PROC: variants seen among roughly 807,000 people sequenced by gnomAD.
The protein encoded by PROC is vitamin K-dependent protein C.
In PROC, 22 loss-of-function variants were observed where a neutral mutation model predicts 36.3. The ratio of observed to expected loss-of-function variants is 0.61; its 90% CI spans 0.43 to 0.86. The LOEUF (loss-of-function observed/expected upper bound fraction) is 0.86, where lower values mean the gene tolerates loss of function less well. Ranked by LOEUF, PROC falls within the 40% of genes least tolerant of loss-of-function variation. The pLI is 0.00. For synonymous variants in PROC, 218 were observed against 244.5 expected, an observed-to-expected ratio of 0.89 and a Z score of 1.01; for missense variants, 526 against 629.7, an observed-to-expected ratio of 0.84 and a Z score of 1.76.
At chr2:127,419,771 C>G (rs954243415) in intron 1 of PROC, 151 bp from the exon 2 acceptor site, 6 of 1,505,768 alleles carry the variant, frequency 4.0e-6, no homozygotes, top group Admixed American at 2.0e-5. Context: ...CCTTCTGAGG[C>G]TATGTCTCTA....
At position 127,426,204 on chromosome 2, in the gene PROC, A is replaced by G. The variant is rs1228180705; in HGVS notation, c.655A>G (p.Arg219Gly). 1 of 1,614,086 alleles carries G rather than the reference A, an allele frequency of 6.2e-7. No homozygotes were observed. The highest frequency in any genetic ancestry group is 2.2e-5 in the East Asian group (1 of 44,886). ...GCGGCTCATTGATGGGAAGATGACC[A>G]GGCGGGGAGACAGCCCCTGGCAGGT... ...DPRLIDGKMT[R>G]RGDSPWQVVL... Residue 219 changes from arginine to glycine, a missense_variant, in exon 7 of 9, where the codon AGG becomes GGG. By Grantham distance (125) the Arg-to-Gly change is moderately radical. Transcript: ENST00000234071. The surrounding 1 kb of genome is among the most constrained non-coding windows in gnomAD (Gnocchi z 7.0).
rs2104984512 is a variant in PROC, at chr2:127,428,838, T to C, written c.1278T>C (p.Cys426=). The part of the protein sequence containing the change: ...LVGLVSWGEG[C]GLLHNYGVYT... ...GCCTGGTGAGCTGGGGTGAGGGCTG[T>C]GGGCTCCTTCACAACTACGGCGTTT... is the stretch of plus-strand genomic sequence containing the variant. The change falls in exon 9 of 9, where the codon TGT becomes TGC. Residue 426 remains cysteine (C), a synonymous_variant. Coordinates refer to ENST00000234071, the MANE Select transcript of PROC (RefSeq NM_000312.4). The C allele has an allele frequency of 1.2e-6, 2 of 1,612,840 alleles. No homozygotes were observed. The highest frequency in any genetic ancestry group is 1.1e-5 in the South Asian group (1 of 91,066).
chr2:127,428,924 C>G lies in PROC; in HGVS notation c.1364C>G (p.Pro455Arg). 1.2e-6 allele frequency: 2 copies of G among 1,613,944 alleles called. No homozygotes were observed. The highest frequency in any genetic ancestry group is 1.7e-6 in the Non-Finnish European group (2 of 1,180,026). The change falls in exon 9 of 9, where the codon CCC becomes CGC. Residue 455 changes from proline (P) to arginine (R), a missense_variant. By Grantham distance (103) the Pro-to-Arg change is moderately radical. Coordinates refer to ENST00000234071, the MANE Select transcript of PROC (RefSeq NM_000312.4). ...IHGHIRDKEA[P>R]QKSWAP ...GGGCACATCAGAGACAAGGAAGCCC[C>G]CCAGAAGAGCTGGGCACCTTAGCGA...
At chr2:127,422,832 C>T (rs1033922092) in intron 3 of PROC, 85 bp from the exon 4 acceptor site, 2 of 1,523,462 alleles carry the variant, frequency 1.3e-6, no homozygotes, top group Non-Finnish European at 1.8e-6. Context: ...CTCCCCTGCC[C>T]GCTCACCCGC....
At position 127,426,912 on chromosome 2, in the gene PROC, T is replaced by A. The variant is rs966036406; in HGVS notation, c.679-193T>A. 6.6e-6 allele frequency among the ~76,000 whole-genome samples: 1 copy of A among 152,186 alleles called. No homozygotes were observed. The highest frequency in any genetic ancestry group is 1.5e-5 in the Non-Finnish European group (1 of 68,026). Reference sequence around the variant, plus strand: ...CAGTATGAACAGTGCAGGAACAGCATGGGCAAAGGCAGGAAGACACCCTGG... The same window carrying A: ...CAGTATGAACAGTGCAGGAACAGCAAGGGCAAAGGCAGGAAGACACCCTGG... On this transcript the variant is annotated intron_variant, in intron 7 of 8. Transcript: ENST00000234071. This position sits in a 1 kb window ranked among gnomAD's most constrained non-coding sequence, Gnocchi z 7.0.
chr2:127,425,768 G>A (rs1295198566), intron 6 of PROC, among the ~76,000 whole-genome samples: 1 of 151,882 alleles, frequency 6.6e-6, no homozygotes. Context: ...TTGTATCTCA[G>A]GGATTACCCC....
chr2:127,423,239 C>T (rs756414294), intron 5 of PROC, 35 bp from the exon 6 acceptor site: 1 of 1,531,968 alleles, frequency 6.5e-7, no homozygotes, highest in Non-Finnish European at 8.8e-7. Context: ...GGCGCGGCAC[C>T]AGCACCAGCT....
rs781386476 is a variant in PROC at position 127,419,979 on chromosome 2, A to C, written c.37A>C (p.Thr13Pro). 1.2e-6 allele frequency: 2 copies of C among 1,613,734 alleles called. No individual in the cohort carries two copies. Among genetic ancestry groups the C allele is most frequent in the Non-Finnish European group, 1.7e-6 (2 of 1,180,000 alleles). The change falls in exon 2 of 9, where the codon ACC (threonine) becomes CCC (proline). Residue 13 changes from threonine (T) to proline (P), a missense_variant. Thr to Pro is a conservative substitution (Grantham distance 38). Coordinates refer to ENST00000234071, the MANE Select transcript of PROC (RefSeq NM_000312.4). Reference protein sequence around the residue: ...QLTSLLLFVATWGISGTPAPL... With the variant: ...QLTSLLLFVAPWGISGTPAPL... ...CACAAGCCTCCTGCTGTTCGTGGCCACCTGGGGAATTTCCGGCACACCAGC... is the reference window on the plus strand; with the variant it reads ...CACAAGCCTCCTGCTGTTCGTGGCCCCCTGGGGAATTTCCGGCACACCAGC...
At chr2:127,423,235 G>T in intron 5 of PROC, 39 bp from the exon 6 acceptor site, 1 of 1,531,264 alleles carries the variant, frequency 6.5e-7, no homozygotes, top group Non-Finnish European at 8.8e-7. Context: ...TGGGGGCGCG[G>T]CACCAGCACC....
At position 127,418,440 on chromosome 2, in the gene PROC, G is replaced by T. The variant is rs950266061; in HGVS notation, c.-74G>T. ...TGGTTATGGATTAACTCGAACTCCAGGCTGTCATGGCGGCAGGACGGCGAA... is the reference window on the plus strand; with the variant it reads ...TGGTTATGGATTAACTCGAACTCCATGCTGTCATGGCGGCAGGACGGCGAA... On this transcript the variant is annotated 5_prime_UTR_variant, in exon 1 of 9. In the 5' UTR this introduces an upstream ATG that the reference lacks. Coordinates refer to ENST00000234071, the MANE Select transcript of PROC (RefSeq NM_000312.4). The surrounding 1 kb of genome is among the most constrained non-coding windows in gnomAD (Gnocchi z 4.8). 2 of 1,289,724 alleles carry T rather than the reference G, an allele frequency of 1.6e-6. No individual in the cohort carries two copies. The highest frequency in any genetic ancestry group is 3.0e-5 in the African/African-American group (2 of 65,856). 79.9% of individuals were successfully genotyped at this position (1,289,724 alleles called of 1,614,324 possible).
At position 127,419,807 on chromosome 2, in the gene PROC, T is replaced by G. The variant is rs575504175; in HGVS notation, c.-21-115T>G. 3 of 1,569,562 alleles carry G rather than the reference T, an allele frequency of 1.9e-6. No homozygotes were observed. The African/African-American group carries it at 4.1e-5, about 21-fold the overall frequency. On this transcript the variant is annotated intron_variant, in intron 1 of 8. Transcript: ENST00000234071. The stretch of plus-strand genomic sequence containing the variant: ...GCGAACAAGGACCCTCAATCCCAGC[T>G]TCCGCCCTGACGGCCAGCACACAGG...
At chr2:127,420,918 TG>T (rs1688055029) in intron 2 of PROC, among the ~76,000 whole-genome samples, 1 of 152,226 alleles carries the variant, frequency 6.6e-6, no homozygotes, top group Non-Finnish European at 1.5e-5. Flanking sequence ...TACTTATCTC[TG>T]GGCCAGGGAC....
At position 127,426,342 on chromosome 2, in the gene PROC, G is replaced by T; in HGVS notation, c.678+115G>T. 2 of 1,460,214 alleles carry T rather than the reference G, an allele frequency of 1.4e-6. No homozygotes were observed. The highest frequency in any genetic ancestry group is 9.5e-7 in the Non-Finnish European group (1 of 1,055,470). 90.5% of individuals were successfully genotyped at this position (1,460,214 alleles called of 1,614,324 possible). A position where few individuals can be genotyped will look rare whatever the true frequency, so the allele number is the denominator to read the frequency against. ...AGAGGGAAGCGCTGCCATTGCGTTT[G>T]GGGGATGATGAAGGTGGGGGATGCT... On this transcript the variant is annotated intron_variant, in intron 7 of 8. Coordinates refer to ENST00000234071, the MANE Select transcript of PROC (RefSeq NM_000312.4). This position sits in a 1 kb window ranked among gnomAD's most constrained non-coding sequence, Gnocchi z 7.0.
chr2:127,426,043 A>G lies in PROC; in HGVS notation c.536-42A>G. 6.2e-7 allele frequency: 1 copy of G among 1,613,466 alleles called. No homozygotes were observed. The highest frequency in any genetic ancestry group is 8.5e-7 in the Non-Finnish European group (1 of 1,179,822). On this transcript the variant is annotated intron_variant, in intron 6 of 8. Transcript: ENST00000234071. The surrounding 1 kb of genome is among the most constrained non-coding windows in gnomAD (Gnocchi z 7.0). Reference sequence around the variant, plus strand: ...ACCAAGACAGGAGGGCAGTCTCGGGAGGAGTGCCTGGCAGGCCCCTCACCA... The same window carrying G: ...ACCAAGACAGGAGGGCAGTCTCGGGGGGAGTGCCTGGCAGGCCCCTCACCA...
rs1194188881 is a variant in PROC, at chr2:127,418,910, C to T, written c.-22+418C>T. On this transcript the variant is annotated intron_variant, in intron 1 of 8. Coordinates refer to ENST00000234071, the MANE Select transcript of PROC (RefSeq NM_000312.4). The surrounding 1 kb of genome is among the most constrained non-coding windows in gnomAD (Gnocchi z 4.8). Reference sequence around the variant, plus strand: ...TATCCACTGGGGAGGGTTCCTTGATCTCTGGCCACCAGGGCTATCTCTGTG... The same window carrying T: ...TATCCACTGGGGAGGGTTCCTTGATTTCTGGCCACCAGGGCTATCTCTGTG... 6.6e-6 allele frequency among the ~76,000 whole-genome samples: 1 copy of T among 152,192 alleles called. No homozygotes were observed. Among genetic ancestry groups the T allele is most frequent in the African/African-American group, 2.4e-5 (1 of 41,448 alleles).
In PROC at chr2:127,426,191, T is replaced by C. The variant is rs762556160; in HGVS notation, c.642T>C (p.Asp214=). Residue 214 remains aspartate (D), a synonymous_variant, in exon 7 of 9, where the codon GAT becomes GAC. Coordinates refer to ENST00000234071, the MANE Select transcript of PROC (RefSeq NM_000312.4). This position sits in a 1 kb window ranked among gnomAD's most constrained non-coding sequence, Gnocchi z 7.0. The part of the protein sequence containing the change: ...QEDQVDPRLI[D]GKMTRRGDSP... ...ACCAAGTAGATCCGCGGCTCATTGA[T>C]GGGAAGATGACCAGGCGGGGAGACA... 3.7e-6 allele frequency: 6 copies of C among 1,613,906 alleles called. No homozygotes were observed. The highest frequency in any genetic ancestry group is 4.5e-5 in the East Asian group (2 of 44,874).
At chr2:127,428,322 C>A (rs772129740) in intron 8 of PROC, 35 bp from the exon 9 acceptor site, 6 of 1,601,536 alleles carry the variant, frequency 3.7e-6, no homozygotes, top group Non-Finnish European at 5.1e-6. Flanking sequence ...AGAGGCTCCC[C>A]GCAGCCCACT....
chr2:127,426,254 T>TCG lies in PROC; in HGVS notation c.678+28_678+29insGC. The TCG allele has an allele frequency of 6.2e-7, 1 of 1,613,738 alleles. No homozygotes were observed. Among genetic ancestry groups the TCG allele is most frequent in the East Asian group, 2.2e-5 (1 of 44,876 alleles). On this transcript the variant is annotated intron_variant, in intron 7 of 8. Transcript: ENST00000234071. This position sits in a 1 kb window ranked among gnomAD's most constrained non-coding sequence, Gnocchi z 7.0. Reference sequence around the variant, plus strand: ...TGGGAGGCGAGGCAGCACCGGCTGCTCACGTGCTGGGTCCGGGATCACTGA... The same window carrying TCG: ...TGGGAGGCGAGGCAGCACCGGCTGCTCGCACGTGCTGGGTCCGGGATCACTGA...
intron 6 of PROC, among the ~76,000 whole-genome samples, chr2:127,423,927 CAG>C (rs1321239652): frequency 1.8e-4 from 27 of 152,316 alleles, no homozygotes; most frequent in African/African-American, 6.3e-4. Flanking sequence ...CTTTAAAAAT[CAG>C]AGTTTTACAA....
Sources: allele counts gnomAD v4.1 joint callset (sites outside exome capture counted in the v4.1 genomes callset), GRCh38; gene constraint gnomAD v4.1.1; non-coding constraint Gnocchi (gnomAD v3.1); transcripts MANE v1.5; gene names NCBI Gene and HGNC (gene_info 2026-07-23, HGNC 2026-07-21).